The following CD2AP variants were observed in gnomAD, a reference collection of about 807,000 sequenced individuals.
CD2AP encodes CD2 associated protein.
A neutral mutation model predicts 85.1 loss-of-function variants in CD2AP; 46 were observed. The ratio of observed to expected loss-of-function variants is 0.54; its 90% confidence interval spans 0.43 to 0.69. CD2AP has a LOEUF of 0.69. Among genes scored for constraint, CD2AP ranks in the 30% least tolerant of loss-of-function variants. The probability of loss-of-function intolerance (pLI) is 0.00; values close to 1 mark genes in which losing one functional copy is unlikely to be tolerated. For missense variants in CD2AP, 769 were observed against 729.5 expected (o/e 1.05, Z -0.62); for synonymous variants, 255 against 252.9 (o/e 1.01, Z -0.08).
chr6:47,623,352 T>C (rs968045811), intron 17 of CD2AP, among the ~76,000 whole-genome samples: 2 of 152,170 alleles, frequency 1.3e-5, no homozygotes, highest in Non-Finnish European at 2.9e-5. Context: ...TATTTCCTCA[T>C]GCAGGGAAAG....
rs139814970 is a variant in CD2AP, at chr6:47,589,565, C to CACAT, written c.1109-6295_1109-6294insCATA. Among the ~76,000 whole-genome samples the CACAT allele has an allele frequency of 7.4e-4, 90 of 120,938 alleles. 2 individuals are homozygous for CACAT. The highest frequency in any genetic ancestry group is 6.4e-3 in the South Asian group (21 of 3,276). 79.3% of individuals were successfully genotyped at this position (120,938 alleles called of 152,430 possible). On this transcript the variant is annotated intron_variant, in intron 11 of 17. Transcript: ENST00000359314. Reference sequence around the variant, plus strand: ...ACACATATATATACACACACACACACATATATATATATATATTTGTCAGAG... The same window carrying CACAT: ...ACACATATATATACACACACACACACACATATATATATATATATATTTGTCAGAG...
intron 8 of CD2AP, 74 bp downstream of exon 8, chr6:47,577,177 C>A: frequency 1.2e-6 from 1 of 819,796 alleles, no homozygotes; most frequent in Non-Finnish European, 2.1e-6. Flanking sequence ...ATACATTCAC[C>A]CTAGAGTGTT....
intron 1 of CD2AP, among the ~76,000 whole-genome samples, chr6:47,495,656 TGTCCTCAATTTTCTAATGG>T (rs1454453339): frequency 1.3e-5 from 2 of 152,192 alleles, no homozygotes; most frequent in African/African-American, 4.8e-5. Context: ...GTTTGCTCTG[TGTCCTCAATTTTCTAATGG>T]GTCCAAGGAA....
intron 2 of CD2AP, among the ~76,000 whole-genome samples, chr6:47,532,376 T>TACACACACAC (rs10522555): frequency 1.4e-5 from 2 of 141,974 alleles, no homozygotes; most frequent in African/African-American, 5.3e-5. Flanking sequence ...TATATATGTA[T>TACACACACAC]ACACACACAC....
intron 11 of CD2AP, among the ~76,000 whole-genome samples, chr6:47,592,297 C>T (rs1240785086): frequency 6.6e-6 from 1 of 151,860 alleles, no homozygotes; most frequent in Non-Finnish European, 1.5e-5. Flanking sequence ...GCTGGATGTT[C>T]TCAAAAGAAT....
intron 5 of CD2AP, among the ~76,000 whole-genome samples, chr6:47,569,092 G>A (rs1420275022): frequency 6.6e-6 from 1 of 152,156 alleles, no homozygotes; most frequent in Admixed American, 6.5e-5. Context: ...GAAGAAAGGA[G>A]GTTAGGCAGT....
chr6:47,603,797 A>G (rs1769203343), intron 13 of CD2AP, among the ~76,000 whole-genome samples: 1 of 151,836 alleles, frequency 6.6e-6, no homozygotes, highest in African/African-American at 2.4e-5. Flanking sequence ...TTCCCTTCTT[A>G]CGTGTCAGGA....
chr6:47,611,874 T>G (rs1224655407), intron 16 of CD2AP, among the ~76,000 whole-genome samples: 2 of 152,172 alleles, frequency 1.3e-5, no homozygotes, highest in Middle Eastern at 3.4e-3. Context: ...GTTTAAAATT[T>G]GTGAAAAGAC....
intron 17 of CD2AP, among the ~76,000 whole-genome samples, chr6:47,616,082 C>CTTTTTTTTTTTTTTTTTTTTTT (rs562350159): frequency 1.6e-5 from 1 of 63,812 alleles, no homozygotes; most frequent in Non-Finnish European, 2.9e-5. Context: ...TGCGCCTGGC[C>CTTTTTTTTTTTTTTTTTTTTTT]TTTTTTTTTT....
Position 47,495,438 on chromosome 6 carries a change from A to G in CD2AP, c.5-7842A>G, listed in dbSNP as rs190502679. On this transcript the variant is annotated intron_variant, in intron 1 of 17. Coordinates refer to ENST00000359314, the MANE Select transcript of CD2AP (RefSeq NM_012120.3). ...TCCAGAAAGAACTAACCCTGCTGAT[A>G]CCTTGATTTTGCCCTCTCGCCTCCC... Among the ~76,000 whole-genome samples, 996 of 152,250 alleles carry G rather than the reference A, an allele frequency of 6.5e-3. 5 individuals are homozygous for G. Among genetic ancestry groups the G allele is most frequent in the Non-Finnish European group, 0.011 (772 of 68,004 alleles).
chr6:47,498,429 C>G (rs1171034588), intron 1 of CD2AP, among the ~76,000 whole-genome samples: 1 of 152,070 alleles, frequency 6.6e-6, no homozygotes, highest in African/African-American at 2.4e-5. Context: ...AAAATTTGTT[C>G]ATTTCATTGG....
At chr6:47,595,041 A>G (rs965052286) in intron 11 of CD2AP, among the ~76,000 whole-genome samples, 4 of 152,026 alleles carry the variant, frequency 2.6e-5, no homozygotes, top group African/African-American at 9.7e-5. Context: ...GTCTTAAGAC[A>G]CATTTTAGCT....
In CD2AP at chr6:47,579,434, G is replaced by T. The variant is rs1221833190; in HGVS notation, c.953G>T (p.Gly318Val). ...AGGGGCGAACTTAATGGTAAAGAAG[G>T]AGTATTTCCAGACAATTTTGCTGTC... Reference protein sequence around the residue: ...WWRGELNGKEGVFPDNFAVQI... With the variant: ...WWRGELNGKEVVFPDNFAVQI... The change falls in exon 9 of 18, where the codon GGA (glycine) becomes GTA (valine). Residue 318 changes from glycine (G) to valine (V), a missense_variant. By Grantham distance (109) the Gly-to-Val change is moderately radical. Transcript: ENST00000359314. 1 of 1,613,458 alleles carries T rather than the reference G, an allele frequency of 6.2e-7. No homozygotes were observed. Among genetic ancestry groups the T allele is most frequent in the Non-Finnish European group, 8.5e-7 (1 of 1,179,586 alleles).
intron 5 of CD2AP, among the ~76,000 whole-genome samples, chr6:47,569,598 G>T (rs1768096692): frequency 6.6e-6 from 1 of 151,610 alleles, no homozygotes; most frequent in African/African-American, 2.4e-5. Context: ...TGTTCTTCAA[G>T]AGTTCTAGTC....
At chr6:47,505,666 TG>T (rs1766132741) in intron 2 of CD2AP, among the ~76,000 whole-genome samples, 9 of 28,638 alleles carry the variant, frequency 3.1e-4, no homozygotes, top group South Asian at 1.5e-3. Flanking sequence ...GCTGGCCGGG[TG>T]GGGGGGCTGA....
At chr6:47,608,971 A>AT (rs1402609632) in intron 15 of CD2AP, 152 bp from the exon 16 acceptor site, 5 of 562,818 alleles carry the variant, frequency 8.9e-6, no homozygotes, top group Non-Finnish European at 1.6e-5. Context: ...TTGTCTGGTG[A>AT]TTTTTCCAGT....
intron 4 of CD2AP, among the ~76,000 whole-genome samples, chr6:47,552,755 A>G: frequency 6.6e-6 from 1 of 152,082 alleles, no homozygotes; most frequent in Non-Finnish European, 1.5e-5. Context: ...TTTGGTCTAC[A>G]TCTAGTTTGG....
intron 3 of CD2AP, among the ~76,000 whole-genome samples, chr6:47,534,905 C>T (rs1005356352): frequency 1.5e-4 from 20 of 131,304 alleles, no homozygotes; most frequent in African/African-American, 5.1e-4. Flanking sequence ...AGCAGTTTTC[C>T]CATTTCAGGC....
chr6:47,597,704 C>T (rs2114133997), intron 12 of CD2AP, among the ~76,000 whole-genome samples: 1 of 151,094 alleles, frequency 6.6e-6, no homozygotes, highest in East Asian at 1.9e-4. Flanking sequence ...AAGGCAGTTA[C>T]TCCAAAGGTG....
Sources: gnomAD v4.1 joint callset for allele counts (sites outside exome capture counted in the v4.1 genomes callset) on GRCh38, gnomAD v4.1.1 for gene constraint, MANE v1.5 for transcripts, NCBI Gene and HGNC (gene_info 2026-07-23, HGNC 2026-07-21) for gene names.